Variants in ANKRD10 observed in about 807,000 individuals in gnomAD.
The protein encoded by ANKRD10 is ankyrin repeat domain 10.
A neutral mutation model predicts 27.0 loss-of-function variants in ANKRD10; 14 were observed. That is an observed-to-expected ratio of 0.52 (90% confidence interval 0.34 to 0.81). The LOEUF is 0.81. Among genes scored for constraint, ANKRD10 ranks in the 40% least tolerant of loss-of-function variants. The probability of loss-of-function intolerance (pLI) is 0.01; values close to 1 mark genes in which losing one functional copy is unlikely to be tolerated. For missense variants in ANKRD10, 493 were observed against 544.0 expected, an observed-to-expected ratio of 0.91 and a Z score of 0.93; for synonymous variants, 250 against 224.5, an observed-to-expected ratio of 1.11 and a Z score of -1.01.
intron 3 of ANKRD10, among the ~76,000 whole-genome samples, chr13:110,898,745 CTTTT>C (rs2065297196): frequency 1.8e-5 from 2 of 111,334 alleles, no homozygotes; most frequent in Non-Finnish European, 4.0e-5. Context: ...ACTAGTTTTT[CTTTT>C]CTTTTTTTTT....
chr13:110,910,567 C>T, intron 2 of ANKRD10, 51 bp downstream of exon 2: 1 of 1,605,126 alleles, frequency 6.2e-7, no homozygotes, highest in Non-Finnish European at 8.5e-7. Context: ...ATAATTATAA[C>T]TGCAAAAAGA....
intron 2 of ANKRD10, among the ~76,000 whole-genome samples, chr13:110,909,876 A>T (rs1170293812): frequency 6.6e-6 from 1 of 152,178 alleles, no homozygotes; most frequent in Non-Finnish European, 1.5e-5. Context: ...AGGCATAAAA[A>T]CCAGCTCCCA....
At chr13:110,908,671 C>T (rs1290665919) in intron 2 of ANKRD10, among the ~76,000 whole-genome samples, 2 of 152,014 alleles carry the variant, frequency 1.3e-5, no homozygotes, top group East Asian at 1.9e-4. Flanking sequence ...AGCAGGTAGG[C>T]GGGGTGGGGA....
chr13:110,909,833 T>C (rs2065644219), intron 2 of ANKRD10, among the ~76,000 whole-genome samples: 2 of 152,168 alleles, frequency 1.3e-5, no homozygotes, highest in East Asian at 1.9e-4. Context: ...AAGACCTTGA[T>C]GACTATAAAG....
intron 4 of ANKRD10, among the ~76,000 whole-genome samples, chr13:110,889,398 T>C (rs920537103): frequency 6.6e-6 from 1 of 152,228 alleles, no homozygotes; most frequent in East Asian, 1.9e-4. Context: ...GTGGATTTTA[T>C]TTCACACTCC....
intron 3 of ANKRD10, chr13:110,894,149 C>T: frequency 1.2e-6 from 2 of 1,612,256 alleles, no homozygotes; most frequent in Non-Finnish European, 8.5e-7. Flanking sequence ...AAAAGTAACT[C>T]CATGTTGAAG....
At chr13:110,905,657 T>G (rs2065510861) in intron 3 of ANKRD10, among the ~76,000 whole-genome samples, 1 of 152,192 alleles carries the variant, frequency 6.6e-6, no homozygotes, top group African/African-American at 2.4e-5. Flanking sequence ...TTTAATCCAA[T>G]CCAAGCTTCT....
At chr13:110,891,871 CTTTTTT>C (rs10553815) in intron 4 of ANKRD10, among the ~76,000 whole-genome samples, 21 of 121,206 alleles carry the variant, frequency 1.7e-4, no homozygotes, top group South Asian at 1.7e-3. Context: ...CTTATTAAGA[CTTTTTT>C]TTTTTTTTTT....
intron 3 of ANKRD10, among the ~76,000 whole-genome samples, chr13:110,896,886 A>C (rs1013667693): frequency 6.6e-6 from 1 of 152,264 alleles, no homozygotes; most frequent in Non-Finnish European, 1.5e-5. Flanking sequence ...GCAGCAGGCC[A>C]GAACTGCTGA....
intron 3 of ANKRD10, chr13:110,905,300 T>A (rs1208870138): frequency 6.6e-6 from 1 of 152,120 alleles, no homozygotes; most frequent in African/African-American, 2.4e-5. Flanking sequence ...ATGTAACAAC[T>A]AAAATAAATG....
In ANKRD10 at chr13:110,893,217, G is replaced by C. The variant is rs749638748; in HGVS notation, c.502C>G (p.Gln168Glu). Residue 168 changes from glutamine (Q) to glutamate (E), a missense_variant, in exon 4 of 6, where the codon CAG (glutamine) becomes GAG (glutamate). Physicochemically the swap from Gln to Glu is conservative, Grantham distance 29. Transcript: ENST00000267339. ...GLTAADIAQT[Q>E]GFQECAQFLL... Reference sequence around the variant, plus strand: ...AACTGGGCACACTCTTGGAAACCCTGGGTTTGTGCAATGTCTGCTGCTGTC... The same window carrying C: ...AACTGGGCACACTCTTGGAAACCCTCGGTTTGTGCAATGTCTGCTGCTGTC... The C allele has an allele frequency of 1.2e-6, 2 of 1,614,180 alleles. No homozygotes were observed. The highest frequency in any genetic ancestry group is 1.7e-6 in the Non-Finnish European group (2 of 1,180,020).
intron 1 of ANKRD10, among the ~76,000 whole-genome samples, chr13:110,913,857 TGA>T (rs1347829888): frequency 6.6e-6 from 1 of 152,208 alleles, no homozygotes; most frequent in Non-Finnish European, 1.5e-5. Context: ...TTAAGATTTC[TGA>T]GAGCAAGTAC....
chr13:110,886,471 T>G (rs1278273802), intron 4 of ANKRD10, among the ~76,000 whole-genome samples: 4 of 152,236 alleles, frequency 2.6e-5, no homozygotes, highest in Admixed American at 6.5e-5. Context: ...CAACCAGCTG[T>G]CACAGAGCCT....
intron 2 of ANKRD10, among the ~76,000 whole-genome samples, chr13:110,907,669 CAG>C (rs2065575885): frequency 6.6e-6 from 1 of 152,110 alleles, no homozygotes; most frequent in Admixed American, 6.5e-5. Flanking sequence ...TTTTTGAAGA[CAG>C]AAACACAGAA....
rs900780960 is a variant in ANKRD10, at chr13:110,905,365, C to G, written c.455+668G>C. On this transcript the variant is annotated intron_variant, in intron 3 of 5. Coordinates refer to ENST00000267339, the MANE Select transcript of ANKRD10 (RefSeq NM_017664.4). The stretch of plus-strand genomic sequence containing the variant: ...AAGATCTCATTTCTAAAAGACTACA[C>G]GTAAACATTAAGATTGTCCTATCAA... 4.6e-5 allele frequency: 7 copies of G among 152,256 alleles called. No homozygotes were observed. In the East Asian group the frequency reaches 9.6e-4, roughly 21 times the overall value. The allele number at this position is 152,256 out of a possible 1,614,324, so 9.4% of individuals were successfully genotyped here. A position where few individuals can be genotyped will look rare whatever the true frequency, so the allele number is the denominator to read the frequency against.
chr13:110,889,280 AAATT>A (rs1318159655), intron 4 of ANKRD10, among the ~76,000 whole-genome samples: 1 of 152,162 alleles, frequency 6.6e-6, no homozygotes, highest in Non-Finnish European at 1.5e-5. Flanking sequence ...AACAACAAAA[AAATT>A]AAAGACTGAT....
At position 110,878,832 on chromosome 13, in the gene ANKRD10, A is replaced by G. The variant is rs555475037; in HGVS notation, c.*805T>C. ...TATATATCTTAAAGCAGAAAACCCC[A>G]AAAAACAAAAACAAGGAAAAAAGAA... On this transcript the variant is annotated 3_prime_UTR_variant, in exon 6 of 6. Coordinates refer to ENST00000267339, the MANE Select transcript of ANKRD10 (RefSeq NM_017664.4). 2 of 152,674 alleles carry G rather than the reference A, an allele frequency of 1.3e-5. No homozygotes were observed. The highest frequency in any genetic ancestry group is 1.3e-4 in the Admixed American group (2 of 15,306). The allele number at this position is 152,674 out of a possible 1,614,324, so 9.5% of individuals were successfully genotyped here. A position where few individuals can be genotyped will look rare whatever the true frequency, so the allele number is the denominator to read the frequency against.
intron 4 of ANKRD10, chr13:110,892,789 A>G (rs1255571004): frequency 3.2e-6 from 4 of 1,234,166 alleles, no homozygotes; most frequent in Non-Finnish European, 4.1e-6. Context: ...GGGTGCTCAA[A>G]AAGTTCCACA....
At chr13:110,901,665 A>C (rs545807196) in intron 3 of ANKRD10, among the ~76,000 whole-genome samples, 186 of 152,338 alleles carry the variant, frequency 1.2e-3, no homozygotes, top group Non-Finnish European at 8.8e-4. Context: ...CTTAATAACT[A>C]TCTCAGGAAC....
Sources: allele counts gnomAD v4.1 joint callset (sites outside exome capture counted in the v4.1 genomes callset), GRCh38; gene constraint gnomAD v4.1.1; transcripts MANE v1.5; gene names NCBI Gene and HGNC (gene_info 2026-07-23, HGNC 2026-07-21).